The following KCNMA1 variants were observed in gnomAD, a reference collection of about 807,000 sequenced individuals.
KCNMA1 encodes Calcium-activated potassium channel subunit alpha-1.
A neutral mutation model predicts 140.0 loss-of-function variants in KCNMA1; 29 were observed. The observed-to-expected ratio is 0.21, with a 90% CI of 0.15 to 0.28. The LOEUF (loss-of-function observed/expected upper bound fraction) is 0.28. Ranked by LOEUF, KCNMA1 falls within the 10% of genes least tolerant of loss-of-function variation. The pLI is 1.00. For synonymous variants in KCNMA1, 612 were observed against 611.9 expected, an observed-to-expected ratio of 1.00 and a Z score of 0.00; for missense variants, 880 against 1,602.2, an observed-to-expected ratio of 0.55 and a Z score of 7.70.
At chr10:77,327,857 T>C (rs1459645300) in intron 2 of KCNMA1, among the ~76,000 whole-genome samples, 1 of 152,194 alleles carries the variant, frequency 6.6e-6, no homozygotes, top group African/African-American at 2.4e-5. Flanking sequence ...GTAAGCCACT[T>C]AAATGCTCTC....
intron 2 of KCNMA1, among the ~76,000 whole-genome samples, chr10:77,349,071 T>C (rs2154383800): frequency 6.6e-6 from 1 of 152,364 alleles, no homozygotes; most frequent in South Asian, 2.1e-4. Context: ...CCCTGAATTC[T>C]CCTTGCTATG....
chr10:76,929,652 G>A (rs1185073686), intron 23 of KCNMA1, among the ~76,000 whole-genome samples: 1 of 152,326 alleles, frequency 6.6e-6, no homozygotes, highest in Non-Finnish European at 1.5e-5. Context: ...TAAGGGGCTA[G>A]GCTGGTGTTT....
At position 77,356,267 on chromosome 10, in the gene KCNMA1, T is replaced by C. The variant is rs191192892; in HGVS notation, c.540+47595A>G. Among the ~76,000 whole-genome samples, 180 of 152,328 alleles carry C rather than the reference T, an allele frequency of 1.2e-3. 1 individual carries two copies. The highest frequency in any genetic ancestry group is 4.2e-3 in the African/African-American group (174 of 41,564). On this transcript the variant is annotated intron_variant, in intron 2 of 27. Coordinates refer to ENST00000286628, the MANE Select transcript of KCNMA1 (RefSeq NM_001161352.2). ...CTCCTGTAAAATAGGGCTAATTGTA[T>C]ATGTCAGAGGATTGTTGTGAAAAAT...
rs923803729 is a variant in KCNMA1 at position 77,636,243 on chromosome 10, G to A, written c.378+1022C>T. ...TTTTATTCTGCAGTTTTCTATCAGTGTCGGGTCCCCCACTCCAGCCAGTGG... is the reference window on the plus strand; with the variant it reads ...TTTTATTCTGCAGTTTTCTATCAGTATCGGGTCCCCCACTCCAGCCAGTGG... On this transcript the variant is annotated intron_variant, in intron 1 of 27. Transcript: ENST00000286628. 2.1e-6 allele frequency: 3 copies of A among 1,435,734 alleles called. No homozygotes were observed. In the African/African-American group the frequency reaches 4.3e-5, roughly 21 times the overall value. 88.9% of individuals were successfully genotyped at this position (1,435,734 alleles called of 1,614,324 possible).
chr10:76,957,845 C>T (rs548867924), intron 20 of KCNMA1, among the ~76,000 whole-genome samples: 1 of 152,310 alleles, frequency 6.6e-6, no homozygotes, highest in African/African-American at 2.4e-5. Flanking sequence ...ATTTCACAGT[C>T]TGGGAGTAAG....
intron 2 of KCNMA1, among the ~76,000 whole-genome samples, chr10:77,364,607 A>G (rs992399441): frequency 6.6e-6 from 1 of 152,356 alleles, no homozygotes; most frequent in East Asian, 1.9e-4. Flanking sequence ...AAGTAACCTT[A>G]TAAGTCATAG....
chr10:77,382,636 G>A (rs369459785), intron 2 of KCNMA1, among the ~76,000 whole-genome samples: 2 of 151,858 alleles, frequency 1.3e-5, no homozygotes, highest in South Asian at 2.1e-4. Flanking sequence ...AGGCCAAGGC[G>A]GGTGGATCAC....
chr10:77,598,677 G>C (rs1386874055), intron 1 of KCNMA1, among the ~76,000 whole-genome samples: 1 of 152,152 alleles, frequency 6.6e-6, no homozygotes, highest in East Asian at 1.9e-4. Flanking sequence ...GGAGGGGAGG[G>C]GAGACAACGC....
In KCNMA1 at chr10:77,082,007, C is replaced by CTTTTTTTTTTTTTTTT. The variant is rs201288668; in HGVS notation, c.1524-2473_1524-2458dup. 2.8e-4 allele frequency among the ~76,000 whole-genome samples: 9 copies of CTTTTTTTTTTTTTTTT among 32,510 alleles called. No individual in the cohort carries two copies. In the East Asian group the frequency reaches 3.4e-3, roughly 12 times the overall value. 21.3% of individuals were successfully genotyped at this position (32,510 alleles called of 152,430 possible). On this transcript the variant is annotated intron_variant, in intron 12 of 27. Coordinates refer to ENST00000286628, the MANE Select transcript of KCNMA1 (RefSeq NM_001161352.2). The stretch of plus-strand genomic sequence containing the variant: ...GACCAGTAATTTCTTTTTTTCTTTT[C>CTTTTTTTTTTTTTTTT]TTTTTTTTTTTTTTTTTTTTTTTTT...
chr10:77,633,043 G>A (rs562068207), intron 1 of KCNMA1, among the ~76,000 whole-genome samples: 33 of 152,330 alleles, frequency 2.2e-4, no homozygotes, highest in Middle Eastern at 3.4e-3. Context: ...GGGGCTGGAC[G>A]CCGTGCCTCA....
intron 1 of KCNMA1, among the ~76,000 whole-genome samples, chr10:77,439,497 CA>C (rs1300928920): frequency 6.6e-6 from 1 of 152,158 alleles, no homozygotes; most frequent in Non-Finnish European, 1.5e-5. Context: ...CATCTGCACA[CA>C]TCATCACAAC....
intron 2 of KCNMA1, among the ~76,000 whole-genome samples, chr10:77,326,916 C>A (rs1184206789): frequency 1.3e-5 from 2 of 151,986 alleles, no homozygotes; most frequent in Non-Finnish European, 1.5e-5. Context: ...CTAGTCCACA[C>A]CAAAGTGAGC....
intron 5 of KCNMA1, among the ~76,000 whole-genome samples, chr10:77,136,629 G>A (rs1182045632): frequency 1.3e-5 from 2 of 150,776 alleles, no homozygotes; most frequent in Non-Finnish European, 2.9e-5. Flanking sequence ...GAAGTGCATG[G>A]TCCCTATGAT....
At chr10:77,589,765 T>A (rs1250430220) in intron 1 of KCNMA1, among the ~76,000 whole-genome samples, 1 of 152,092 alleles carries the variant, frequency 6.6e-6, no homozygotes, top group Non-Finnish European at 1.5e-5. Context: ...TTCGCGGTGT[T>A]ACAGCTCATA....
chr10:77,051,830 G>C (rs1469249364), intron 14 of KCNMA1, among the ~76,000 whole-genome samples: 2 of 152,160 alleles, frequency 1.3e-5, no homozygotes, highest in African/African-American at 4.8e-5. Context: ...ACCTCCTAGG[G>C]AGGCAGCTGA....
intron 27 of KCNMA1, 32 bp from the exon 28 acceptor site, chr10:76,887,547 G>T (rs2037659850): frequency 6.2e-7 from 1 of 1,613,022 alleles, no homozygotes; most frequent in South Asian, 1.1e-5. Flanking sequence ...GTCACCTCCT[G>T]AGAGTAACTG....
At chr10:77,513,245 A>G (rs2049072611) in intron 1 of KCNMA1, among the ~76,000 whole-genome samples, 1 of 151,420 alleles carries the variant, frequency 6.6e-6, no homozygotes, top group Non-Finnish European at 1.5e-5. Context: ...TGGTGCTACT[A>G]CGTGGAACGC....
At chr10:77,244,987 G>C (rs141200437) in intron 3 of KCNMA1, among the ~76,000 whole-genome samples, 1 of 151,758 alleles carries the variant, frequency 6.6e-6, no homozygotes, top group East Asian at 1.9e-4. Context: ...TCCTGCCCTT[G>C]AACTTTCCCT....
rs373648078 is a variant in KCNMA1, at chr10:77,073,091, C to T, written c.1749+6G>A. On this transcript the variant is annotated splice_donor_region_variant and intron_variant, in intron 14 of 27. Coordinates refer to ENST00000286628, the MANE Select transcript of KCNMA1 (RefSeq NM_001161352.2). ...GCTAATGTGCTCTAATAAGACGAGACGTTACCTTTATGAATGACCTCATGG... is the reference window on the plus strand; with the variant it reads ...GCTAATGTGCTCTAATAAGACGAGATGTTACCTTTATGAATGACCTCATGG... 5.6e-5 allele frequency: 90 copies of T among 1,613,724 alleles called. No homozygotes were observed. The highest frequency in any genetic ancestry group is 2.5e-4 in the South Asian group (23 of 91,084).
Sources: gnomAD v4.1 joint callset for allele counts (sites outside exome capture counted in the v4.1 genomes callset) on GRCh38, gnomAD v4.1.1 for gene constraint, MANE v1.5 for transcripts, NCBI Gene and HGNC (gene_info 2026-07-23, HGNC 2026-07-21) for gene names.